The following MAGI1 variants were observed in gnomAD, a reference collection of about 807,000 sequenced individuals.
MAGI1 encodes the protein membrane-associated guanylate kinase, WW and PDZ domain-containing protein 1.
In MAGI1, 58 loss-of-function variants were observed where a neutral mutation model predicts 139.9. The ratio of observed to expected loss-of-function variants is 0.41; its 90% CI spans 0.34 to 0.52. The LOEUF (loss-of-function observed/expected upper bound fraction) is 0.52, where lower values mean the gene tolerates loss of function less well. MAGI1 is among the 20% of genes least tolerant of loss of function. The probability of loss-of-function intolerance (pLI) is 0.12; values close to 1 mark genes in which losing one functional copy is unlikely to be tolerated. For synonymous variants in MAGI1, 812 were observed against 737.9 expected (o/e 1.10, Z -1.63); for missense variants, 1,874 against 1,901.6 (o/e 0.99, Z 0.27).
chr3:65,959,486 G>A (rs946004561), intron 1 of MAGI1, among the ~76,000 whole-genome samples: 1 of 151,826 alleles, frequency 6.6e-6, no homozygotes, highest in Admixed American at 6.6e-5. Flanking sequence ...ACAGGGTCTG[G>A]AGTGCAGTGG....
rs183879691 is a variant in MAGI1 at position 65,417,057 on chromosome 3, G to A, written c.2167+12463C>T. On this transcript the variant is annotated intron_variant, in intron 12 of 22. Coordinates refer to ENST00000402939, the MANE Select transcript of MAGI1 (RefSeq NM_001033057.2). ...CATGGTAAACTCTGTCTCAGATAAC[G>A]GTTTCGAAAATGCTCAGAACTGAAA... 1.0e-3 allele frequency among the ~76,000 whole-genome samples: 157 copies of A among 152,212 alleles called. 1 individual carries two copies. The highest frequency in any genetic ancestry group is 3.5e-3 in the African/African-American group (147 of 41,542).
intron 1 of MAGI1, chr3:65,688,104 AGGT>A: frequency 1.3e-6 from 1 of 761,554 alleles, no homozygotes. Flanking sequence ...CACTGCACAT[AGGT>A]GTTGCTTGCA....
At chr3:65,586,277 T>C (rs2081673025) in intron 2 of MAGI1, among the ~76,000 whole-genome samples, 1 of 151,716 alleles carries the variant, frequency 6.6e-6, no homozygotes, top group Non-Finnish European at 1.5e-5. Context: ...CTAAATCTAA[T>C]ACCTTTATAC....
intron 12 of MAGI1, among the ~76,000 whole-genome samples, chr3:65,419,228 A>ACG: frequency 7.1e-6 from 1 of 140,838 alleles, no homozygotes; most frequent in Non-Finnish European, 1.5e-5. Context: ...TCATACACAC[A>ACG]CACACACACA....
intron 1 of MAGI1, among the ~76,000 whole-genome samples, chr3:66,005,585 T>C (rs2066971732): frequency 6.6e-6 from 1 of 152,004 alleles, no homozygotes; most frequent in South Asian, 2.1e-4. Context: ...CTAACCCCAT[T>C]CCTAAATCTC....
chr3:65,613,246 T>C (rs2106959478), intron 2 of MAGI1, among the ~76,000 whole-genome samples: 1 of 152,270 alleles, frequency 6.6e-6, no homozygotes, highest in Non-Finnish European at 1.5e-5. Flanking sequence ...ACAGGACTGA[T>C]AACACTATGC....
chr3:65,364,939 C>A lies in MAGI1; in HGVS notation c.3204G>T (p.Ser1068=). The change falls in exon 19 of 23, where the codon TCG becomes TCT. Residue 1068 remains serine, a synonymous_variant. Coordinates refer to ENST00000402939, the MANE Select transcript of MAGI1 (RefSeq NM_001033057.2). ...TLRIIPGDES[S]NATLLTNAEK... The stretch of plus-strand genomic sequence containing the variant: ...CTGCATTGGTCAGCAAGGTGGCATT[C>A]GAGGACTCTGCAAAGAGGGACAGAG... The A allele has an allele frequency of 6.2e-7, 1 of 1,613,750 alleles. No individual in the cohort carries two copies. The highest frequency in any genetic ancestry group is 8.5e-7 in the Non-Finnish European group (1 of 1,179,818).
chr3:65,468,947 CAATA>C (rs141122582), intron 5 of MAGI1, among the ~76,000 whole-genome samples: 2,544 of 134,702 alleles, frequency 0.019, 72 homozygotes, highest in African/African-American at 0.066. Flanking sequence ...GGAAGGGAAA[CAATA>C]AATAAATAAA....
intron 1 of MAGI1, among the ~76,000 whole-genome samples, chr3:65,855,612 T>TGGGGAAGAGAGAGGGGAGGGGACG (rs2059349589): frequency 1.7e-3 from 1 of 598 alleles, no homozygotes. Context: ...AGACGGGAGA[T>TGGGGAAGAGAGAGGGGAGGGGACG]GGGGAGGAGA....
Position 65,482,289 on chromosome 3 carries a change from C to T in MAGI1, c.551-3491G>A, listed in dbSNP as rs116484048. Among the ~76,000 whole-genome samples, 1,339 of 152,312 alleles carry T rather than the reference C, an allele frequency of 8.8e-3. 20 individuals are homozygous for T. Among genetic ancestry groups the T allele is most frequent in the African/African-American group, 0.031 (1,269 of 41,564 alleles). On this transcript the variant is annotated intron_variant, in intron 3 of 22. Transcript: ENST00000402939. ...ACAAAATGAGACGGTCTGCCTTTAA[C>T]CTATGCTGAAGTCTGCCACTATGGT...
At chr3:65,832,253 G>A (rs975179243) in intron 1 of MAGI1, among the ~76,000 whole-genome samples, 1 of 152,216 alleles carries the variant, frequency 6.6e-6, no homozygotes, top group Non-Finnish European at 1.5e-5. Context: ...TGCAAATGCA[G>A]CTGGTTCTGT....
At chr3:65,976,463 C>G (rs1461831284) in intron 1 of MAGI1, among the ~76,000 whole-genome samples, 3 of 152,058 alleles carry the variant, frequency 2.0e-5, no homozygotes, top group Non-Finnish European at 4.4e-5. Flanking sequence ...AATCCTGTCT[C>G]TACTAAAAAT....
intron 3 of MAGI1, among the ~76,000 whole-genome samples, chr3:65,484,271 C>T (rs529619241): frequency 9.2e-5 from 14 of 152,230 alleles, no homozygotes; most frequent in Admixed American, 5.2e-4. Context: ...GTGGCAGAAA[C>T]GCCTGCCATG....
intron 1 of MAGI1, among the ~76,000 whole-genome samples, chr3:65,815,439 C>G (rs937017678): frequency 6.6e-6 from 1 of 152,104 alleles, no homozygotes; most frequent in Non-Finnish European, 1.5e-5. Flanking sequence ...TCTATAGATG[C>G]CTTCCTACGC....
At chr3:65,787,621 A>C (rs2039486440) in intron 1 of MAGI1, among the ~76,000 whole-genome samples, 1 of 150,920 alleles carries the variant, frequency 6.6e-6, no homozygotes, top group Non-Finnish European at 1.5e-5. Flanking sequence ...CTGGGACTGC[A>C]CCGCCTGGTA....
chr3:65,557,823 A>G (rs2080157765), intron 2 of MAGI1, among the ~76,000 whole-genome samples: 1 of 152,172 alleles, frequency 6.6e-6, no homozygotes, highest in Non-Finnish European at 1.5e-5. Flanking sequence ...CAATCACTGA[A>G]TTGCTCTGAT....
chr3:65,517,369 T>G (rs1343778790), intron 2 of MAGI1, among the ~76,000 whole-genome samples: 2 of 152,036 alleles, frequency 1.3e-5, no homozygotes, highest in Non-Finnish European at 2.9e-5. Context: ...CTCCCACCCT[T>G]GAACTACCTA....
At chr3:65,953,513 G>A (rs976608666) in intron 1 of MAGI1, among the ~76,000 whole-genome samples, 10 of 152,282 alleles carry the variant, frequency 6.6e-5, no homozygotes, top group South Asian at 2.1e-4. Context: ...GGGTCCCTCC[G>A]AGCCCAGTTT....
intron 2 of MAGI1, among the ~76,000 whole-genome samples, chr3:65,596,999 G>A (rs954058672): frequency 6.6e-6 from 1 of 152,094 alleles, no homozygotes; most frequent in East Asian, 1.9e-4. Context: ...AATTTTCCCC[G>A]AGAGCTTACA....
Sources: gnomAD v4.1 joint callset for allele counts (sites outside exome capture counted in the v4.1 genomes callset) on GRCh38, gnomAD v4.1.1 for gene constraint, MANE v1.5 for transcripts, NCBI Gene and HGNC (gene_info 2026-07-23, HGNC 2026-07-21) for gene names.